The following EGFR variants were observed in gnomAD, a reference collection of about 807,000 sequenced individuals.
The protein encoded by EGFR is avian erythroblastic leukemia viral (v-erb-b) oncogene homolog.
Under a neutral mutation model 143.0 loss-of-function variants are expected in EGFR, and 58 were observed. That is an observed-to-expected ratio of 0.41 (90% CI 0.33 to 0.50). The LOEUF is 0.50. Among genes scored for constraint, EGFR ranks in the 20% least tolerant of loss-of-function variants. The probability of loss-of-function intolerance (pLI) is 0.39; values close to 1 mark genes in which losing one functional copy is unlikely to be tolerated. For missense variants in EGFR, 1,307 were observed against 1,579.0 expected (o/e 0.83, Z 2.92); for synonymous variants, 613 against 594.4 (o/e 1.03, Z -0.45).
At chr7:55,200,525 T>C (rs1396832349) in intron 24 of EGFR, 112 bp downstream of exon 24, 15 of 1,092,504 alleles carry the variant, frequency 1.4e-5, no homozygotes, top group Middle Eastern at 2.0e-4. Flanking sequence ...GATCGCATTA[T>C]TAAACCCTCC....
intron 1 of EGFR, among the ~76,000 whole-genome samples, chr7:55,046,959 G>A (rs1788212224): frequency 6.6e-6 from 1 of 152,136 alleles, no homozygotes; most frequent in Admixed American, 6.5e-5. Context: ...AAAAATTAAT[G>A]TGCCTTATTT....
intron 16 of EGFR, among the ~76,000 whole-genome samples, chr7:55,172,692 G>A (rs1057062585): frequency 6.6e-6 from 1 of 152,146 alleles, no homozygotes; most frequent in Non-Finnish European, 1.5e-5. Context: ...ATCATATTTT[G>A]TTAATCAACA....
In EGFR at chr7:55,161,613, A is replaced by C. The variant is rs1209490447; in HGVS notation, c.1613A>C (p.Lys538Thr). The C allele has an allele frequency of 6.2e-7, 1 of 1,614,136 alleles. No homozygotes were observed. Among genetic ancestry groups the C allele is most frequent in the Non-Finnish European group, 8.5e-7 (1 of 1,180,048 alleles). Residue 538 changes from lysine to threonine, a missense_variant, in exon 13 of 28, where the codon AAG becomes ACG. Lys to Thr is a moderately conservative substitution (Grantham distance 78). This residue lies in a region of EGFR where 250 missense variants were observed against 295.1 expected (regional missense o/e 0.85). Transcript: ENST00000275493. ...NVSRGRECVD[K>T]CNLLEGEPRE... ...AGCCGAGGCAGGGAATGCGTGGACA[A>C]GTGCAACCTTCTGGAGGGGTAGGAG... is the stretch of plus-strand genomic sequence containing the variant.
rs560220501 is a variant in EGFR, at chr7:55,098,310, G to A, written c.89-43976G>A. On this transcript the variant is annotated intron_variant, in intron 1 of 27. Coordinates refer to ENST00000275493, the MANE Select transcript of EGFR (RefSeq NM_005228.5). The stretch of plus-strand genomic sequence containing the variant: ...GCCAGGACTGGCAGGGATGGGGCTA[G>A]GGGGACTGGGGAGAACTGCTCTCTC... 6.2e-4 allele frequency among the ~76,000 whole-genome samples: 95 copies of A among 152,294 alleles called. 1 individual carries two copies. In the Middle Eastern group the frequency reaches 0.014, roughly 22 times the overall value.
At chr7:55,085,300 A>C (rs1029675733) in intron 1 of EGFR, among the ~76,000 whole-genome samples, 2 of 152,216 alleles carry the variant, frequency 1.3e-5, no homozygotes, top group African/African-American at 2.4e-5. Context: ...TGAGGCATTC[A>C]TGTAAATCCT....
In EGFR at chr7:55,201,307, C is replaced by G. The variant is rs769706147; in HGVS notation, c.3066C>G (p.Gly1022=). 6.2e-7 allele frequency: 1 copy of G among 1,614,062 alleles called. No homozygotes were observed. Among genetic ancestry groups the G allele is most frequent in the Non-Finnish European group, 8.5e-7 (1 of 1,180,016 alleles). The part of the protein sequence containing the change: ...DADEYLIPQQ[G]FFSSPSTSRT... ...ACGAGTACCTCATCCCACAGCAGGG[C>G]TTCTTCAGCAGCCCCTCCACGTCAC... Residue 1022 remains glycine, a synonymous_variant, in exon 25 of 28, where the codon GGC becomes GGG. Transcript: ENST00000275493.
At chr7:55,155,699 TC>T (rs1017694943) in intron 7 of EGFR, 130 bp from the exon 8 acceptor site, 4 of 783,926 alleles carry the variant, frequency 5.1e-6, no homozygotes, top group Non-Finnish European at 9.2e-6. Context: ...TCATTCTTTG[TC>T]CTTAAAGTAA....
chr7:55,179,590 G>A (rs551787530), intron 19 of EGFR, among the ~76,000 whole-genome samples: 5 of 152,292 alleles, frequency 3.3e-5, no homozygotes, highest in African/African-American at 7.2e-5. Flanking sequence ...AGTCAGCCTC[G>A]GGGCTTCCCA....
intron 4 of EGFR, among the ~76,000 whole-genome samples, chr7:55,150,509 G>A (rs1168694015): frequency 1.3e-5 from 2 of 152,130 alleles, no homozygotes; most frequent in East Asian, 1.9e-4. Context: ...AGGGGACCTC[G>A]GGACCCATGA....
At chr7:55,068,323 G>A (rs937547083) in intron 1 of EGFR, among the ~76,000 whole-genome samples, 2 of 152,116 alleles carry the variant, frequency 1.3e-5, no homozygotes, top group Non-Finnish European at 2.9e-5. Context: ...TGAAAATAGA[G>A]AATACAAAGA....
intron 13 of EGFR, among the ~76,000 whole-genome samples, chr7:55,162,170 A>G (rs1219969538): frequency 6.6e-6 from 1 of 152,254 alleles, no homozygotes; most frequent in East Asian, 1.9e-4. Context: ...CAATCAATAA[A>G]AAGTGCAGTT....
At chr7:55,050,721 T>G (rs1307228296) in intron 1 of EGFR, among the ~76,000 whole-genome samples, 1 of 152,196 alleles carries the variant, frequency 6.6e-6, no homozygotes, top group Non-Finnish European at 1.5e-5. Context: ...GGCCTTGCAT[T>G]GCCATAGCCC....
At position 55,064,598 on chromosome 7, in the gene EGFR, G is replaced by T. The variant is rs73696519; in HGVS notation, c.88+45233G>T. On this transcript the variant is annotated intron_variant, in intron 1 of 27. Coordinates refer to ENST00000275493, the MANE Select transcript of EGFR (RefSeq NM_005228.5). ...GGTTCTTCAAACTCTCAGTCAGTGC[G>T]CATTTACTCTTAATTTAGATACGGT... Among the ~76,000 whole-genome samples the T allele has an allele frequency of 9.3e-3, 1,413 of 152,232 alleles. 22 individuals carry two copies. The highest frequency in any genetic ancestry group is 0.031 in the African/African-American group (1,300 of 41,540).
intron 1 of EGFR, among the ~76,000 whole-genome samples, chr7:55,045,414 T>C (rs1490701767): frequency 6.6e-6 from 1 of 152,236 alleles, no homozygotes; most frequent in Non-Finnish European, 1.5e-5. Flanking sequence ...CACTTGCTTT[T>C]CTATGACAGG....
chr7:55,203,433 C>CACAT (rs397738658), intron 27 of EGFR, among the ~76,000 whole-genome samples: 7 of 144,358 alleles, frequency 4.8e-5, no homozygotes, highest in Non-Finnish European at 7.6e-5. Flanking sequence ...AACACAGACA[C>CACAT]GTACACACAC....
chr7:55,028,026 A>ATATATATATATG (rs1491096841), intron 1 of EGFR, among the ~76,000 whole-genome samples: 2 of 105,770 alleles, frequency 1.9e-5, no homozygotes, highest in African/African-American at 4.9e-5. Context: ...ATATATATAT[A>ATATATATATATG]CACACACACA....
chr7:55,040,789 A>G (rs1219173441), intron 1 of EGFR, among the ~76,000 whole-genome samples: 1 of 152,208 alleles, frequency 6.6e-6, no homozygotes, highest in Non-Finnish European at 1.5e-5. Flanking sequence ...AACCTTGTAT[A>G]TACTTTACTC....
rs533204461 is a variant in EGFR, at chr7:55,027,214, A to C, written c.88+7849A>C. Among the ~76,000 whole-genome samples the C allele has an allele frequency of 3.3e-5, 5 of 152,306 alleles. No homozygotes were observed. In the East Asian group the frequency reaches 9.6e-4, roughly 29 times the overall value. On this transcript the variant is annotated intron_variant, in intron 1 of 27. Coordinates refer to ENST00000275493, the MANE Select transcript of EGFR (RefSeq NM_005228.5). ...CATACAAGATCACTCCCTGTAATGC[A>C]ATGTTTTATAACAGATGTGATTTGG...
chr7:55,209,413 C>T lies in EGFR; in HGVS notation c.*3796C>T, dbSNP rs530634516. The T allele has an allele frequency of 6.6e-6, 1 of 152,162 alleles. No homozygotes were observed. Among genetic ancestry groups the T allele is most frequent in the East Asian group, 1.9e-4 (1 of 5,192 alleles). The allele number at this position is 152,162 out of a possible 1,614,324, so 9.4% of individuals were successfully genotyped here. A position where few individuals can be genotyped will look rare whatever the true frequency, so the allele number is the denominator to read the frequency against. ...CAGTTCAGCTGGAAAGGGGCAAATA[C>T]CCCCACCTGAGCTTTGAAAACGCCC... On this transcript the variant is annotated 3_prime_UTR_variant, in exon 28 of 28. Coordinates refer to ENST00000275493, the MANE Select transcript of EGFR (RefSeq NM_005228.5).
Sources: allele counts gnomAD v4.1 joint callset (sites outside exome capture counted in the v4.1 genomes callset), GRCh38; gene constraint gnomAD v4.1.1; regional missense constraint gnomAD v4.1.1; transcripts MANE v1.5; gene names NCBI Gene and HGNC (gene_info 2026-07-23, HGNC 2026-07-21).